The following ZNF268 variants were observed in gnomAD, a reference collection of about 807,000 sequenced individuals.
ZNF268 encodes zinc finger protein 3.
ZNF268 carries 20 observed loss-of-function variants against 29.3 expected under a neutral mutation model. The observed-to-expected ratio is 0.68, with a 90% CI of 0.48 to 0.99. The LOEUF is 0.99. Among genes scored for constraint, ZNF268 ranks in the 50% least tolerant of loss-of-function variants. The pLI, the probability that ZNF268 is intolerant of heterozygous loss-of-function variation, is 0.00. For synonymous variants in ZNF268, 429 were observed against 376.9 expected, an observed-to-expected ratio of 1.14 and a Z score of -1.60; for missense variants, 1,240 against 1,121.6, an observed-to-expected ratio of 1.11 and a Z score of -1.51.
intron 5 of ZNF268, among the ~76,000 whole-genome samples, chr12:133,198,549 T>TA (rs927622339): frequency 1.8e-4 from 27 of 152,134 alleles, no homozygotes; most frequent in African/African-American, 6.0e-4. Context: ...AACTTTAAAG[T>TA]AGTTTTTTTC....
Position 133,211,358 on chromosome 12 carries a change from G to C in ZNF268, c.*6828G>C. 3.3e-6 allele frequency: 1 copy of C among 305,406 alleles called. No individual in the cohort carries two copies. 18.9% of individuals were successfully genotyped at this position (305,406 alleles called of 1,614,324 possible). ...GCACTTTGGGAGGCCGAGGCGGGCA[G>C]ATCACCTGAGGTCCGGAGTTCGAGA... is the stretch of plus-strand genomic sequence containing the variant. On this transcript the variant is annotated 3_prime_UTR_variant, in exon 6 of 6. Transcript: ENST00000536435.
At chr12:133,189,540 A>G (rs907762923) in intron 3 of ZNF268, among the ~76,000 whole-genome samples, 10 of 152,152 alleles carry the variant, frequency 6.6e-5, no homozygotes, top group African/African-American at 2.4e-4. Context: ...AAATCAAATG[A>G]TTTATTGCTG....
Position 133,211,068 on chromosome 12 carries a change from A to G in ZNF268, c.*6538A>G, listed in dbSNP as rs1314723907. 2.2e-6 allele frequency: 1 copy of G among 453,968 alleles called. No homozygotes were observed. The highest frequency in any genetic ancestry group is 2.0e-5 in the African/African-American group (1 of 50,034). 28.1% of individuals were successfully genotyped at this position (453,968 alleles called of 1,614,324 possible). On this transcript the variant is annotated 3_prime_UTR_variant, in exon 6 of 6. Coordinates refer to ENST00000536435, the MANE Select transcript of ZNF268 (RefSeq NM_003415.3). ...CATGCCTTAATTGGAATGGATAGAG[A>G]TAATAAAAGGCAAAGTAGATGGCCA...
intron 5 of ZNF268, 26 bp from the exon 6 acceptor site, chr12:133,202,118 A>T: frequency 2.0e-6 from 3 of 1,517,662 alleles, no homozygotes; most frequent in Non-Finnish European, 2.7e-6. Flanking sequence ...GATTTATAAC[A>T]TGTGACCAAT....
intron 3 of ZNF268, 132 bp downstream of exon 3, chr12:133,188,204 CT>C (rs199804931): frequency 9.2e-3 from 5,879 of 638,976 alleles, no homozygotes; most frequent in East Asian, 0.017. Context: ...AACCCCCCCA[CT>C]TTTTTTTTTG....
intron 5 of ZNF268, among the ~76,000 whole-genome samples, chr12:133,196,264 G>C (rs1032317607): frequency 6.8e-6 from 1 of 146,756 alleles, no homozygotes; most frequent in Non-Finnish European, 1.5e-5. Flanking sequence ...GAAGATTGTA[G>C]TGAGCCGAGA....
chr12:133,194,632 G>C (rs941684573), intron 5 of ZNF268, among the ~76,000 whole-genome samples: 5 of 152,324 alleles, frequency 3.3e-5, no homozygotes, highest in Admixed American at 3.3e-4. Context: ...GGAGGCTCTG[G>C]AAAGGGAAAT....
In ZNF268 at chr12:133,211,858, C is replaced by T. The variant is rs573207170; in HGVS notation, c.*7328C>T. Reference sequence around the variant, plus strand: ...TTCACAATATGAGCCAACAATCACACTCCTAGGTATTTAGATAACTGCTTT... The same window carrying T: ...TTCACAATATGAGCCAACAATCACATTCCTAGGTATTTAGATAACTGCTTT... On this transcript the variant is annotated 3_prime_UTR_variant, in exon 6 of 6. Coordinates refer to ENST00000536435, the MANE Select transcript of ZNF268 (RefSeq NM_003415.3). 11 of 152,348 alleles carry T rather than the reference C, an allele frequency of 7.2e-5. No homozygotes were observed. The highest frequency in any genetic ancestry group is 1.3e-4 in the Non-Finnish European group (9 of 68,034). The allele number at this position is 152,348 out of a possible 1,614,324, so 9.4% of individuals were successfully genotyped here.
At position 133,202,550 on chromosome 12, in the gene ZNF268, G is replaced by C; in HGVS notation, c.864G>C (p.Lys288Asn). Residue 288 changes from lysine to asparagine, a missense_variant, in exon 6 of 6, where the codon AAG becomes AAC. By Grantham distance (94) the Lys-to-Asn change is moderately conservative (BLOSUM62 0). This residue lies in a region of ZNF268 where 1,177 missense variants were observed against 1,039.6 expected (regional missense o/e 1.13). Transcript: ENST00000536435. ...CSCCEKAFSSKSYLLVHQQTH... is the reference protein window; with the variant it reads ...CSCCEKAFSSNSYLLVHQQTH... Reference sequence around the variant, plus strand: ...GTTGTGAGAAAGCCTTCAGCAGCAAGTCATACCTTCTAGTGCATCAGCAAA... The same window carrying C: ...GTTGTGAGAAAGCCTTCAGCAGCAACTCATACCTTCTAGTGCATCAGCAAA... 6.2e-7 allele frequency: 1 copy of C among 1,611,268 alleles called. No individual in the cohort carries two copies. The highest frequency in any genetic ancestry group is 1.1e-5 in the South Asian group (1 of 90,738).
chr12:133,191,770 G>C, intron 4 of ZNF268, 138 bp from the exon 5 acceptor site: 1 of 1,430,502 alleles, frequency 7.0e-7, no homozygotes, highest in Non-Finnish European at 9.8e-7. Flanking sequence ...GAGTATGCCA[G>C]TTGAATGGTC....
intron 2 of ZNF268, 103 bp downstream of exon 2, chr12:133,182,133 C>G: frequency 8.4e-7 from 1 of 1,192,920 alleles, no homozygotes; most frequent in Non-Finnish European, 1.2e-6. Flanking sequence ...TTTCTCACCC[C>G]ACCGCTCTTT....
At position 133,211,963 on chromosome 12, in the gene ZNF268, T is replaced by C. The variant is rs1464670643; in HGVS notation, c.*7433T>C. On this transcript the variant is annotated 3_prime_UTR_variant, in exon 6 of 6. Coordinates refer to ENST00000536435, the MANE Select transcript of ZNF268 (RefSeq NM_003415.3). Reference sequence around the variant, plus strand: ...CTCTTTTCATAACAGACAAATACTTTAAGGAATCAGGATAACCTTCAATAG... The same window carrying C: ...CTCTTTTCATAACAGACAAATACTTCAAGGAATCAGGATAACCTTCAATAG... The C allele has an allele frequency of 6.6e-6, 1 of 152,212 alleles. No homozygotes were observed. The highest frequency in any genetic ancestry group is 2.4e-5 in the African/African-American group (1 of 41,456). 9.4% of individuals were successfully genotyped at this position (152,212 alleles called of 1,614,324 possible). A position where few individuals can be genotyped will look rare whatever the true frequency, so the allele number is the denominator to read the frequency against.
chr12:133,203,280 A>G lies in ZNF268; in HGVS notation c.1594A>G (p.Asn532Asp). 6.5e-7 allele frequency: 1 copy of G among 1,538,900 alleles called. No individual in the cohort carries two copies. The highest frequency in any genetic ancestry group is 8.7e-7 in the Non-Finnish European group (1 of 1,147,120). Residue 532 changes from asparagine to aspartate, a missense_variant, in exon 6 of 6, where the codon AAT becomes GAT. Asn to Asp is a conservative substitution (Grantham distance 23). Around this residue, in one of 3 missense-constraint regions of ZNF268, gnomAD observed 1,177 missense variants for 1,039.6 expected, o/e 1.13. Transcript: ENST00000536435. ...AGGAGAAAAACTCCATGAATGCAAC[A>G]ATTGTGGGAAAGCCTTCAGTTTTAA... ...HTGEKLHECNNCGKAFSFKSQ... is the reference protein window; with the variant it reads ...HTGEKLHECNDCGKAFSFKSQ...
Position 133,203,718 on chromosome 12 carries a change from AGTTTG to A in ZNF268, c.2033_2037del (p.Ser678LysfsTer21). ...ATGCAGTCAATGTGCAAAAACCTTT[AGTTTG>A]AAGTCCCAGCTCATTGTACATCAGA... On this transcript the variant is annotated frameshift_variant, in exon 6 of 6. Coordinates refer to ENST00000536435, the MANE Select transcript of ZNF268 (RefSeq NM_003415.3). LOFTEE classifies it low-confidence loss of function (END_TRUNC). 1 of 1,547,966 alleles carries A rather than the reference AGTTTG, an allele frequency of 6.5e-7. No homozygotes were observed. The highest frequency in any genetic ancestry group is 8.7e-7 in the Non-Finnish European group (1 of 1,152,600).
chr12:133,196,332 A>G (rs1188284904), intron 5 of ZNF268, among the ~76,000 whole-genome samples: 1 of 151,814 alleles, frequency 6.6e-6, no homozygotes, highest in African/African-American at 2.4e-5. Context: ...AAAAAAAAAA[A>G]AAAAAAAAGC....
At chr12:133,190,574 C>T (rs1361219086) in intron 3 of ZNF268, among the ~76,000 whole-genome samples, 1 of 152,152 alleles carries the variant, frequency 6.6e-6, no homozygotes, top group Non-Finnish European at 1.5e-5. Context: ...TTTGTATGCT[C>T]ATTTACCATC....
chr12:133,181,996 G>C lies in ZNF268; in HGVS notation c.-2G>C, dbSNP rs748735138. 11 of 1,565,542 alleles carry C rather than the reference G, an allele frequency of 7.0e-6. No individual in the cohort carries two copies. Among genetic ancestry groups the C allele is most frequent in the Admixed American group, 3.8e-5 (2 of 52,558 alleles). On this transcript the variant is annotated 5_prime_UTR_variant, in exon 2 of 6. Coordinates refer to ENST00000536435, the MANE Select transcript of ZNF268 (RefSeq NM_003415.3). ...GCGAGGCACACAAAACTGACCGTAG[G>C]GATGGCCACCAGGGTCCGGACAGCT...
Position 133,202,469 on chromosome 12 carries a change from A to T in ZNF268, c.783A>T (p.Lys261Asn). 1 of 1,612,048 alleles carries T rather than the reference A, an allele frequency of 6.2e-7. No homozygotes were observed. Among genetic ancestry groups the T allele is most frequent in the African/African-American group, 1.3e-5 (1 of 75,012 alleles). Reference sequence around the variant, plus strand: ...AATCTGGAAAAACCGTCAATAAGAAATCGCAACTTATGTGCCAACAAATGT... The same window carrying T: ...AATCTGGAAAAACCGTCAATAAGAATTCGCAACTTATGTGCCAACAAATGT... ...SIESGKTVNKKSQLMCQQMYM... is the reference protein window; with the variant it reads ...SIESGKTVNKNSQLMCQQMYM... The change falls in exon 6 of 6, where the codon AAA (lysine) becomes AAT (asparagine). Residue 261 changes from lysine (K) to asparagine (N), a missense_variant. Lys to Asn is a moderately conservative substitution (Grantham distance 94). Around this residue, in one of 3 missense-constraint regions of ZNF268, gnomAD observed 1,177 missense variants for 1,039.6 expected, o/e 1.13. Transcript: ENST00000536435.
chr12:133,202,453 A>G lies in ZNF268; in HGVS notation c.767A>G (p.Lys256Arg). ...TACTGTGAAAGTATTGAATCTGGAA[A>G]AACCGTCAATAAGAAATCGCAACTT... The part of the protein sequence containing the change: ...IKYCESIESG[K>R]TVNKKSQLMC... The change falls in exon 6 of 6, where the codon AAA becomes AGA. Residue 256 changes from lysine (K) to arginine (R), a missense_variant. By Grantham distance (26) the Lys-to-Arg change is conservative. This residue lies in a region of ZNF268 where 1,177 missense variants were observed against 1,039.6 expected (regional missense o/e 1.13). Coordinates refer to ENST00000536435, the MANE Select transcript of ZNF268 (RefSeq NM_003415.3). 6.2e-7 allele frequency: 1 copy of G among 1,611,720 alleles called. No individual in the cohort carries two copies. The highest frequency in any genetic ancestry group is 1.1e-5 in the South Asian group (1 of 90,832).
Sources: gnomAD v4.1 joint callset for allele counts (sites outside exome capture counted in the v4.1 genomes callset) on GRCh38, gnomAD v4.1.1 for gene constraint, gnomAD v4.1.1 regional missense constraint, MANE v1.5 for transcripts, NCBI Gene and HGNC (gene_info 2026-07-23, HGNC 2026-07-21) for gene names.